GALNT13: variants seen among roughly 807,000 people sequenced by gnomAD.
GALNT13 encodes UDP-GalNAc:polypeptide N-acetylgalactosaminyltransferase 13.
Under a neutral mutation model 64.2 loss-of-function variants are expected in GALNT13, and 28 were observed. That is an observed-to-expected ratio of 0.44 (90% CI 0.32 to 0.60). The LOEUF is 0.60. GALNT13 is among the 20% of genes least tolerant of loss of function. The pLI, the probability that GALNT13 is intolerant of heterozygous loss-of-function variation, is 0.05. For missense variants in GALNT13, 577 were observed against 669.8 expected (o/e 0.86, Z 1.53); for synonymous variants, 214 against 224.6 (o/e 0.95, Z 0.42).
chr2:154,374,779 C>T (rs1043233407), intron 9 of GALNT13, among the ~76,000 whole-genome samples: 3 of 152,146 alleles, frequency 2.0e-5, no homozygotes, highest in African/African-American at 7.2e-5. Flanking sequence ...TTATACTGTA[C>T]TTTGAAATGC....
chr2:154,200,020 A>G (rs1687088145), intron 4 of GALNT13, among the ~76,000 whole-genome samples: 1 of 152,054 alleles, frequency 6.6e-6, no homozygotes, highest in African/African-American at 2.4e-5. Context: ...TACCTTCAAC[A>G]TAAGTAAAAT....
chr2:153,218,438 T>C, the GALNT13 span, among the ~76,000 whole-genome samples: 1 of 152,170 alleles, frequency 6.6e-6, no homozygotes, highest in African/African-American at 2.4e-5. Flanking sequence ...CCTATTTTTT[T>C]CTCCAGACAG....
At chr2:153,087,991 C>CT in the GALNT13 span, among the ~76,000 whole-genome samples, 5 of 150,750 alleles carry the variant, frequency 3.3e-5, no homozygotes, top group South Asian at 2.1e-4. Flanking sequence ...TTTGTTATTT[C>CT]TTTTTTTTTC....
At chr2:153,951,159 G>C (rs192218783) in intron 3 of GALNT13, among the ~76,000 whole-genome samples, 2 of 152,154 alleles carry the variant, frequency 1.3e-5, no homozygotes, top group East Asian at 3.9e-4. Context: ...ACTGACTGTA[G>C]GGTATTATTA....
intron 4 of GALNT13, among the ~76,000 whole-genome samples, chr2:154,149,454 T>G (rs1683838671): frequency 6.6e-6 from 1 of 152,164 alleles, no homozygotes; most frequent in Non-Finnish European, 1.5e-5. Context: ...TTTTTTCCAA[T>G]TCTGTGAAGA....
Position 154,170,353 on chromosome 2 carries a change from C to G in GALNT13, c.311+29848C>G, listed in dbSNP as rs118093483. 2.5e-3 allele frequency among the ~76,000 whole-genome samples: 373 copies of G among 152,180 alleles called. 10 individuals carry two copies. In the East Asian group the frequency reaches 0.056, roughly 23 times the overall value. ...CTATTTGAGTTTACCTTAATTCAGT[C>G]AAGTTGACACATAAAATTAACCATC... On this transcript the variant is annotated intron_variant, in intron 4 of 12. Transcript: ENST00000392825.
intron 8 of GALNT13, among the ~76,000 whole-genome samples, chr2:154,284,474 T>G (rs1692143588): frequency 6.6e-6 from 1 of 151,928 alleles, no homozygotes; most frequent in African/African-American, 2.4e-5. Flanking sequence ...CATGCCATTG[T>G]GCATATATAT....
At chr2:153,277,622 A>G in the GALNT13 span, among the ~76,000 whole-genome samples, 2 of 152,282 alleles carry the variant, frequency 1.3e-5, no homozygotes, top group East Asian at 1.9e-4. Context: ...TTTGAGGAAT[A>G]TCTAAGCTGT....
At chr2:153,384,647 C>G in the GALNT13 span, among the ~76,000 whole-genome samples, 1 of 151,976 alleles carries the variant, frequency 6.6e-6, no homozygotes, top group Admixed American at 6.6e-5. Context: ...TTTTCAGAAG[C>G]AAGTCTTTCA....
chr2:154,165,938 G>C (rs1181079090), intron 4 of GALNT13, among the ~76,000 whole-genome samples: 2 of 152,140 alleles, frequency 1.3e-5, no homozygotes, highest in Non-Finnish European at 2.9e-5. Context: ...CTTTTTGCTT[G>C]ACATCTTTGG....
At chr2:153,467,720 C>T in the GALNT13 span, among the ~76,000 whole-genome samples, 2 of 152,048 alleles carry the variant, frequency 1.3e-5, no homozygotes, top group Non-Finnish European at 2.9e-5. Context: ...CAGTCAAACA[C>T]TTATCTAAAT....
the GALNT13 span, among the ~76,000 whole-genome samples, chr2:153,595,983 GC>G: frequency 2.6e-5 from 4 of 152,100 alleles, no homozygotes; most frequent in African/African-American, 9.7e-5. Flanking sequence ...AGTGGTTCTT[GC>G]ATGCATTTCT....
the GALNT13 span, among the ~76,000 whole-genome samples, chr2:153,316,697 C>T: frequency 1.7e-4 from 25 of 148,830 alleles, no homozygotes; most frequent in East Asian, 4.9e-3. Context: ...GTTCATAAAA[C>T]CCCCAAGCTA....
At chr2:153,696,658 A>AT in the GALNT13 span, among the ~76,000 whole-genome samples, 5 of 152,186 alleles carry the variant, frequency 3.3e-5, no homozygotes, top group African/African-American at 1.2e-4. Flanking sequence ...ATATGTAGTC[A>AT]TTCTCTCTCT....
At chr2:153,805,435 T>G in the GALNT13 span, among the ~76,000 whole-genome samples, 1 of 152,076 alleles carries the variant, frequency 6.6e-6, no homozygotes, top group African/African-American at 2.4e-5. Context: ...GACAAACTTT[T>G]TGTGACATGT....
At chr2:153,356,437 C>A in the GALNT13 span, 1 of 152,152 alleles carries the variant, frequency 6.6e-6, no homozygotes, top group Non-Finnish European at 1.5e-5. Flanking sequence ...TGTCTGGTAA[C>A]TATCTTTCAA....
the GALNT13 span, among the ~76,000 whole-genome samples, chr2:153,609,524 C>G: frequency 1.3e-5 from 2 of 152,070 alleles, no homozygotes; most frequent in African/African-American, 4.8e-5. Context: ...TGATGTGAGA[C>G]CTTGCCTTTT....
intron 3 of GALNT13, among the ~76,000 whole-genome samples, chr2:154,102,782 C>T (rs966916907): frequency 2.8e-4 from 43 of 152,082 alleles, no homozygotes; most frequent in African/African-American, 1.0e-3. Context: ...TCTTAAGTTT[C>T]GTAATATTTG....
At chr2:154,449,480 C>CAA (rs35845747) in intron 12 of GALNT13, among the ~76,000 whole-genome samples, 10 of 123,924 alleles carry the variant, frequency 8.1e-5, no homozygotes, top group Non-Finnish European at 1.1e-4. Context: ...TGGTAATTTG[C>CAA]AAAAAAAAAA....
Sources: allele counts gnomAD v4.1 joint callset (sites outside exome capture counted in the v4.1 genomes callset), GRCh38; gene constraint gnomAD v4.1.1; transcripts MANE v1.5; gene names NCBI Gene and HGNC (gene_info 2026-07-23, HGNC 2026-07-21).